The following CRACD variants were observed in gnomAD, a reference collection of about 807,000 sequenced individuals.
CRACD encodes the protein capping protein inhibiting regulator of actin dynamics.
Under a neutral mutation model 106.8 loss-of-function variants are expected in CRACD, and 56 were observed. The observed-to-expected ratio is 0.52, with a 90% CI of 0.42 to 0.66. CRACD has a LOEUF of 0.66. CRACD is among the 30% of genes least tolerant of loss of function. The probability of loss-of-function intolerance (pLI) is 0.00; values close to 1 mark genes in which losing one functional copy is unlikely to be tolerated. For missense variants in CRACD, 1,730 were observed against 1,623.2 expected (o/e 1.07, Z -1.13); for synonymous variants, 754 against 670.8 (o/e 1.12, Z -1.92).
chr4:56,055,824 C>G (rs887898545), intron 1 of CRACD, among the ~76,000 whole-genome samples: 8 of 152,142 alleles, frequency 5.3e-5, no homozygotes, highest in African/African-American at 1.9e-4. Context: ...ATATTGTACT[C>G]TTAACCCAGG....
intron 1 of CRACD, among the ~76,000 whole-genome samples, chr4:56,049,514 G>C (rs1344413305): frequency 1.3e-5 from 2 of 152,052 alleles, no homozygotes; most frequent in African/African-American, 2.4e-5. Context: ...ACCTGCGCGC[G>C]GCTTGCGCGC....
Position 56,268,343 on chromosome 4 carries a change from C to G in CRACD, c.-188-3978C>G, listed in dbSNP as rs566817436. 3.3e-5 allele frequency among the ~76,000 whole-genome samples: 5 copies of G among 152,098 alleles called. No homozygotes were observed. The South Asian group carries it at 1.0e-3, about 32-fold the overall frequency. Reference sequence around the variant, plus strand: ...ATCTCGAAAGCTAAATCTGTGGACCCAGGCTGGGATAATGATGTCATAATT... The same window carrying G: ...ATCTCGAAAGCTAAATCTGTGGACCGAGGCTGGGATAATGATGTCATAATT... On this transcript the variant is annotated intron_variant, in intron 2 of 10. Transcript: ENST00000682029.
At chr4:56,104,214 T>C (rs1449840426) in intron 1 of CRACD, among the ~76,000 whole-genome samples, 2 of 151,898 alleles carry the variant, frequency 1.3e-5, no homozygotes, top group Admixed American at 6.6e-5. Context: ...CTGAGCAACA[T>C]AGATAGACCT....
intron 2 of CRACD, among the ~76,000 whole-genome samples, chr4:56,263,633 T>A (rs950720099): frequency 6.6e-6 from 1 of 152,222 alleles, no homozygotes; most frequent in Admixed American, 6.5e-5. Context: ...TTAACCTAAT[T>A]ACCTTTTAAA....
At chr4:56,323,634 A>T in intron 9 of CRACD, 67 bp downstream of exon 9, 1 of 1,408,846 alleles carries the variant, frequency 7.1e-7, no homozygotes, top group Non-Finnish European at 9.4e-7. Flanking sequence ...AGTCACAAGG[A>T]TACAAAACAA....
chr4:56,313,197 G>C lies in CRACD; in HGVS notation c.355G>C (p.Val119Leu), dbSNP rs766922824. The change falls in exon 7 of 11, where the codon GTT becomes CTT. Residue 119 changes from valine (V) to leucine (L), a missense_variant and splice_region_variant. Val to Leu is a conservative substitution (Grantham distance 32). Transcript: ENST00000682029. ...CTTTCTATTTTAATCTCCCCTACAGGTTGCTCCCGTTAAACCGTCTCGGCC... is the reference window on the plus strand; with the variant it reads ...CTTTCTATTTTAATCTCCCCTACAGCTTGCTCCCGTTAAACCGTCTCGGCC... The part of the protein sequence containing the change: ...PGAGSEMEEK[V>L]APVKPSRPKR... 6.2e-7 allele frequency: 1 copy of C among 1,613,772 alleles called. No individual in the cohort carries two copies. Among genetic ancestry groups the C allele is most frequent in the South Asian group, 1.1e-5 (1 of 91,054 alleles).
intron 2 of CRACD, among the ~76,000 whole-genome samples, chr4:56,183,286 A>AAAAT (rs1491578533): frequency 6.9e-6 from 1 of 145,574 alleles, no homozygotes; most frequent in African/African-American, 2.8e-5. Flanking sequence ...AAAATAAAAT[A>AAAAT]AAAAGAATTA....
At chr4:56,204,789 G>T (rs538262780) in intron 2 of CRACD, among the ~76,000 whole-genome samples, 1 of 152,204 alleles carries the variant, frequency 6.6e-6, no homozygotes, top group Admixed American at 6.5e-5. Context: ...GCAGGGAAAG[G>T]TGAGGATTGA....
chr4:56,276,212 C>T (rs746994673), intron 3 of CRACD, among the ~76,000 whole-genome samples: 1 of 152,104 alleles, frequency 6.6e-6, no homozygotes. Context: ...TAATTAAACA[C>T]AACTAATATT....
intron 3 of CRACD, among the ~76,000 whole-genome samples, chr4:56,292,355 C>G (rs559634236): frequency 6.6e-6 from 1 of 152,298 alleles, no homozygotes; most frequent in South Asian, 2.1e-4. Context: ...CTGGGAGGAC[C>G]ACACCCTAGA....
intron 2 of CRACD, among the ~76,000 whole-genome samples, chr4:56,262,034 A>G (rs558746214): frequency 6.6e-6 from 1 of 152,350 alleles, no homozygotes; most frequent in Non-Finnish European, 1.5e-5. Flanking sequence ...AGAGTCACAT[A>G]CTAAAAAGGA....
intron 2 of CRACD, among the ~76,000 whole-genome samples, chr4:56,249,142 A>G (rs1474144149): frequency 2.0e-5 from 3 of 148,598 alleles, no homozygotes; most frequent in African/African-American, 5.0e-5. Flanking sequence ...TCCCTGAGGA[A>G]TCGCCACACT....
chr4:56,310,175 C>T (rs1745042747), intron 5 of CRACD, among the ~76,000 whole-genome samples: 1 of 152,008 alleles, frequency 6.6e-6, no homozygotes, highest in Non-Finnish European at 1.5e-5. Flanking sequence ...TTTTCTTGGC[C>T]CCTCCCTGGT....
At chr4:56,085,994 C>A (rs1168663677) in intron 1 of CRACD, among the ~76,000 whole-genome samples, 3 of 152,142 alleles carry the variant, frequency 2.0e-5, no homozygotes, top group African/African-American at 7.2e-5. Context: ...ATTCTCCCTG[C>A]ATGTTACTAT....
chr4:56,223,224 C>CT (rs11341953), intron 2 of CRACD, among the ~76,000 whole-genome samples: 22 of 147,060 alleles, frequency 1.5e-4, no homozygotes, highest in Non-Finnish European at 2.4e-4. Flanking sequence ...ATTCTTTTCT[C>CT]TTTTTTTTTT....
intron 1 of CRACD, among the ~76,000 whole-genome samples, chr4:56,128,966 A>G (rs1013109989): frequency 2.0e-5 from 3 of 152,224 alleles, no homozygotes; most frequent in Admixed American, 6.5e-5. Context: ...CCAAGAAGAT[A>G]TATAAACAGT....
chr4:56,068,755 G>A (rs1004945220), intron 1 of CRACD, among the ~76,000 whole-genome samples: 1 of 152,132 alleles, frequency 6.6e-6, no homozygotes, highest in Non-Finnish European at 1.5e-5. Flanking sequence ...GGACTACAGC[G>A]GGGGATGGAT....
chr4:56,140,769 C>T (rs953789425), intron 1 of CRACD, among the ~76,000 whole-genome samples: 3 of 152,170 alleles, frequency 2.0e-5, no homozygotes, highest in Admixed American at 6.5e-5. Flanking sequence ...TTCATTGCAC[C>T]TGTGTTAAAG....
chr4:56,284,307 A>AAAAAAAAAG (rs1743206342), intron 3 of CRACD, among the ~76,000 whole-genome samples: 1 of 150,650 alleles, frequency 6.6e-6, no homozygotes, highest in Admixed American at 6.6e-5. Context: ...AAAAAAAAAA[A>AAAAAAAAAG]AAAAAAAAAA....
Sources: allele counts gnomAD v4.1 joint callset (sites outside exome capture counted in the v4.1 genomes callset), GRCh38; gene constraint gnomAD v4.1.1; transcripts MANE v1.5; gene names NCBI Gene and HGNC (gene_info 2026-07-23, HGNC 2026-07-21).